Variants in VWF observed in about 807,000 individuals in gnomAD.
VWF encodes Factor VIII related antigen.
VWF carries 176 observed loss-of-function variants against 308.6 expected under a neutral mutation model. That is an observed-to-expected ratio of 0.57 (90% CI 0.50 to 0.65). The LOEUF is 0.65. Ranked by LOEUF, VWF falls within the 30% of genes least tolerant of loss-of-function variation. The pLI is 0.00. For synonymous variants in VWF, 1,385 were observed against 1,443.4 expected (o/e 0.96, Z 0.92); for missense variants, 3,146 against 3,648.2 (o/e 0.86, Z 3.55).
intron 42 of VWF, among the ~76,000 whole-genome samples, chr12:5,980,064 GAAAA>G (rs1196219166): frequency 1.4e-5 from 2 of 140,328 alleles, no homozygotes; most frequent in Non-Finnish European, 3.1e-5. Flanking sequence ...AAGAACGAAT[GAAAA>G]GAAAGAAAGA....
chr12:6,045,111 T>C lies in VWF; in HGVS notation c.2282-660A>G, dbSNP rs182211046. On this transcript the variant is annotated intron_variant, in intron 17 of 51. Coordinates refer to ENST00000261405, the MANE Select transcript of VWF (RefSeq NM_000552.5). ...TGGGCCCACTAGAACGCATGTTCCA[T>C]GAAGCCAGGGATTTCTATCTACTTT... Among the ~76,000 whole-genome samples the C allele has an allele frequency of 1.6e-3, 237 of 152,344 alleles. 2 individuals carry two copies. The highest frequency in any genetic ancestry group is 5.2e-3 in the African/African-American group (217 of 41,590).
intron 34 of VWF, among the ~76,000 whole-genome samples, chr12:6,000,808 T>C (rs1188847125): frequency 2.3e-5 from 2 of 88,302 alleles, no homozygotes; most frequent in African/African-American, 5.2e-5. Flanking sequence ...CGAGACTCTG[T>C]CTCAAAAAAA....
chr12:6,123,263 T>G, intron 1 of VWF, 67 bp from the exon 2 acceptor site: 1 of 1,557,046 alleles, frequency 6.4e-7, no homozygotes, highest in Non-Finnish European at 8.9e-7. Flanking sequence ...GTGTGGCGAC[T>G]ATCAGGGCAT....
intron 9 of VWF, among the ~76,000 whole-genome samples, chr12:6,071,767 A>C (rs1944785525): frequency 6.6e-6 from 1 of 152,188 alleles, no homozygotes; most frequent in African/African-American, 2.4e-5. Context: ...AAGGCTGCTA[A>C]GATAGCAAAG....
intron 8 of VWF, among the ~76,000 whole-genome samples, chr12:6,073,156 C>T (rs143569873): frequency 0.014 from 2,189 of 152,214 alleles, 65 homozygotes; most frequent in African/African-American, 0.051. Context: ...CATGAGCCAC[C>T]GCACCCAGCC....
intron 6 of VWF, among the ~76,000 whole-genome samples, chr12:6,091,375 G>C (rs558007171): frequency 6.6e-6 from 1 of 152,202 alleles, no homozygotes; most frequent in African/African-American, 2.4e-5. Context: ...TACTTACTTA[G>C]ATAAATCAGA....
At chr12:6,098,517 G>A (rs1407104368) in intron 5 of VWF, among the ~76,000 whole-genome samples, 1 of 152,196 alleles carries the variant, frequency 6.6e-6, no homozygotes, top group Non-Finnish European at 1.5e-5. Context: ...AGTGGTTCAT[G>A]CTTGTAATCC....
Position 6,024,357 on chromosome 12 carries a change from G to A in VWF, c.3223-570C>T, listed in dbSNP as rs1300237859. Among the ~76,000 whole-genome samples the A allele has an allele frequency of 2.6e-5, 4 of 152,244 alleles. No homozygotes were observed. In the East Asian group the frequency reaches 7.7e-4, roughly 29 times the overall value. ...CCAAAACACGCCTCTAAACACACTGGACTTTTTCAGGGCAGTTATGACAGA... is the reference window on the plus strand; with the variant it reads ...CCAAAACACGCCTCTAAACACACTGAACTTTTTCAGGGCAGTTATGACAGA... On this transcript the variant is annotated intron_variant, in intron 24 of 51. Coordinates refer to ENST00000261405, the MANE Select transcript of VWF (RefSeq NM_000552.5). The surrounding 1 kb of genome is among the most constrained non-coding windows in gnomAD (Gnocchi z 4.0).
At chr12:6,023,173 C>T (rs1944148989) in intron 25 of VWF, among the ~76,000 whole-genome samples, 1 of 152,192 alleles carries the variant, frequency 6.6e-6, no homozygotes, top group Admixed American at 6.5e-5. Context: ...CCTCTGGCCT[C>T]AGCCTCCCAA....
At position 6,092,614 on chromosome 12, in the gene VWF, T is replaced by TGA. The variant is rs1555073700; in HGVS notation, c.657+2844_657+2845dup. 1.5e-3 allele frequency among the ~76,000 whole-genome samples: 130 copies of TGA among 86,082 alleles called. 6 individuals are homozygous for TGA. Among genetic ancestry groups the TGA allele is most frequent in the East Asian group, 3.8e-3 (12 of 3,184 alleles). The allele number at this position is 86,082 out of a possible 152,430, so 56.5% of individuals were successfully genotyped here. On this transcript the variant is annotated intron_variant, in intron 6 of 51. Coordinates refer to ENST00000261405, the MANE Select transcript of VWF (RefSeq NM_000552.5). The stretch of plus-strand genomic sequence containing the variant: ...CATGCCCAGCTAGTTAGTGAGTGAG[T>TGA]GAGAGTGTGTGTGTGTGTGTGTGTG...
Position 6,031,712 on chromosome 12 carries a change from G to A in VWF, c.2686-134C>T. ...TTGCCACGTCCATGGCTGCGCATAT[G>A]TGCCTCTGTGTGTGTCTGGGGGACG... On this transcript the variant is annotated intron_variant, in intron 20 of 51. Transcript: ENST00000261405. 2.2e-6 allele frequency: 3 copies of A among 1,376,950 alleles called. No individual in the cohort carries two copies. The South Asian group carries it at 3.6e-5, about 17-fold the overall frequency. The allele number at this position is 1,376,950 out of a possible 1,614,324, so 85.3% of individuals were successfully genotyped here.
chr12:6,039,927 G>A (rs1459949220), intron 18 of VWF, among the ~76,000 whole-genome samples: 2 of 152,098 alleles, frequency 1.3e-5, no homozygotes, highest in African/African-American at 4.8e-5. Flanking sequence ...TTTCAAACGG[G>A]AAGTCAGCAT....
intron 5 of VWF, among the ~76,000 whole-genome samples, chr12:6,102,447 CA>C (rs1251916060): frequency 6.8e-6 from 1 of 147,542 alleles, no homozygotes; most frequent in Non-Finnish European, 1.5e-5. Context: ...CTCAAAAAAA[CA>C]AAAACAGGCA....
chr12:6,062,279 G>A (rs549651933), intron 13 of VWF, among the ~76,000 whole-genome samples: 1 of 152,234 alleles, frequency 6.6e-6, no homozygotes, highest in South Asian at 2.1e-4. Flanking sequence ...GGGGGTCAGA[G>A]TGGGATCAGT....
chr12:6,071,079 C>T (rs1449123625), intron 10 of VWF, among the ~76,000 whole-genome samples: 1 of 152,214 alleles, frequency 6.6e-6, no homozygotes, highest in Admixed American at 6.5e-5. Context: ...GTGCATTCTC[C>T]GCTTTCAGCT....
At chr12:5,975,057 T>C (rs1369752012) in intron 43 of VWF, among the ~76,000 whole-genome samples, 1 of 152,222 alleles carries the variant, frequency 6.6e-6, no homozygotes, top group East Asian at 1.9e-4. Flanking sequence ...CCAAAGGGTT[T>C]CCAAAACTTA....
At chr12:5,965,479 C>T (rs1419929048) in intron 47 of VWF, among the ~76,000 whole-genome samples, 3 of 152,174 alleles carry the variant, frequency 2.0e-5, no homozygotes, top group Admixed American at 6.5e-5. Flanking sequence ...TGCCCTCCTC[C>T]GGGACGCCTT....
At chr12:5,965,266 G>A (rs1943388929) in intron 47 of VWF, among the ~76,000 whole-genome samples, 1 of 152,140 alleles carries the variant, frequency 6.6e-6, no homozygotes. Context: ...TCCTCACACA[G>A]TTGTCCTCCT....
chr12:5,976,389 C>T (rs1412444385), intron 42 of VWF, 129 bp from the exon 43 acceptor site: 26 of 1,190,430 alleles, frequency 2.2e-5, no homozygotes, highest in South Asian at 6.5e-5. Flanking sequence ...ATGTGGTCTC[C>T]GCCCATATGC....
Sources: gnomAD v4.1 joint callset for allele counts (sites outside exome capture counted in the v4.1 genomes callset) on GRCh38, gnomAD v4.1.1 for gene constraint, Gnocchi (gnomAD v3.1) non-coding constraint, MANE v1.5 for transcripts, NCBI Gene and HGNC (gene_info 2026-07-23, HGNC 2026-07-21) for gene names.